The following SYCP2L variants were observed in gnomAD, a reference collection of about 807,000 sequenced individuals.
SYCP2L encodes the protein synaptonemal complex protein 2-like.
A neutral mutation model predicts 125.8 loss-of-function variants in SYCP2L; 98 were observed. That is an observed-to-expected ratio of 0.78 (90% CI 0.66 to 0.92). SYCP2L has a LOEUF of 0.92. Among genes scored for constraint, SYCP2L ranks in the 40% least tolerant of loss-of-function variants. The pLI is 0.00. For missense variants in SYCP2L, 842 were observed against 936.4 expected (o/e 0.90, Z 1.32); for synonymous variants, 317 against 325.4 (o/e 0.97, Z 0.28).
At chr6:10,952,116 G>A (rs1191901217) in intron 23 of SYCP2L, among the ~76,000 whole-genome samples, 3 of 152,282 alleles carry the variant, frequency 2.0e-5, no homozygotes, top group Non-Finnish European at 4.4e-5. Context: ...TTCTGTGTAT[G>A]TAGTTTTAAC....
intron 20 of SYCP2L, among the ~76,000 whole-genome samples, chr6:10,931,763 G>A (rs1219921473): frequency 2.6e-5 from 4 of 152,056 alleles, no homozygotes; most frequent in Admixed American, 6.6e-5. Context: ...TTGGGAGTTC[G>A]AGACCAGCCT....
chr6:10,898,577 CAT>C (rs902181657), intron 5 of SYCP2L, among the ~76,000 whole-genome samples: 2 of 152,074 alleles, frequency 1.3e-5, no homozygotes, highest in Non-Finnish European at 1.5e-5. Flanking sequence ...TAGTAAGAAA[CAT>C]ATATAACCGA....
Position 10,942,760 on chromosome 6 carries a change from A to AC in SYCP2L, c.1954+15dup. ...TGGAAGACAAAGGTAAGAGAATAGTACTTTTTTTTTTTTTTTTGCAGAATA... is the reference window on the plus strand; with the variant it reads ...TGGAAGACAAAGGTAAGAGAATAGTACCTTTTTTTTTTTTTTTTGCAGAATA... On this transcript the variant is annotated intron_variant, in intron 23 of 29. Transcript: ENST00000283141. 6.7e-7 allele frequency: 1 copy of AC among 1,498,630 alleles called. No homozygotes were observed. The highest frequency in any genetic ancestry group is 8.9e-7 in the Non-Finnish European group (1 of 1,124,886). 92.8% of individuals were successfully genotyped at this position (1,498,630 alleles called of 1,614,324 possible).
chr6:10,899,699 A>C (rs1561680746), intron 6 of SYCP2L, among the ~76,000 whole-genome samples: 2 of 152,344 alleles, frequency 1.3e-5, no homozygotes, highest in South Asian at 2.1e-4. Context: ...ATTAATTGAC[A>C]CTACATTCTG....
At chr6:10,897,211 T>C (rs1305451123) in intron 4 of SYCP2L, among the ~76,000 whole-genome samples, 1 of 152,156 alleles carries the variant, frequency 6.6e-6, no homozygotes, top group East Asian at 1.9e-4. Flanking sequence ...TGGATATGTA[T>C]TCCTATAGGA....
Position 10,898,193 on chromosome 6 carries a change from G to C in SYCP2L, c.441+78G>C. The C allele has an allele frequency of 2.7e-6, 3 of 1,101,638 alleles. No individual in the cohort carries two copies. The South Asian group carries it at 4.0e-5, about 15-fold the overall frequency. The allele number at this position is 1,101,638 out of a possible 1,614,324, so 68.2% of individuals were successfully genotyped here. ...AATCTTCAAGTTATTTATAAAACAT[G>C]GTTTTCTATAATATGTAAGTTTTGT... On this transcript the variant is annotated intron_variant, in intron 5 of 29. Transcript: ENST00000283141.
At chr6:10,916,878 G>C (rs964675065) in intron 14 of SYCP2L, among the ~76,000 whole-genome samples, 1 of 152,220 alleles carries the variant, frequency 6.6e-6, no homozygotes, top group East Asian at 1.9e-4. Context: ...TGTAATGCCA[G>C]CTACTTGGGA....
At chr6:10,942,842 T>A in intron 23 of SYCP2L, 96 bp downstream of exon 23, 1 of 1,139,858 alleles carries the variant, frequency 8.8e-7, no homozygotes, top group Non-Finnish European at 1.2e-6. Flanking sequence ...GCAGATCAAG[T>A]CACTTTGCAC....
intron 14 of SYCP2L, among the ~76,000 whole-genome samples, chr6:10,914,974 G>C (rs554296897): frequency 1.9e-4 from 29 of 152,192 alleles, no homozygotes; most frequent in African/African-American, 7.0e-4. Context: ...ATGAACTCCT[G>C]ACCTCAGGTG....
intron 4 of SYCP2L, among the ~76,000 whole-genome samples, chr6:10,896,920 T>C (rs72823314): frequency 0.018 from 2,716 of 152,330 alleles, 31 homozygotes; most frequent in Middle Eastern, 0.065. Flanking sequence ...TCTCAGGTTC[T>C]TGGCCCAAAG....
At chr6:10,906,930 T>G (rs1005953573) in intron 9 of SYCP2L, among the ~76,000 whole-genome samples, 3 of 152,090 alleles carry the variant, frequency 2.0e-5, no homozygotes, top group African/African-American at 7.2e-5. Context: ...GTTTGATGAT[T>G]TGGTTTGAAT....
intron 23 of SYCP2L, among the ~76,000 whole-genome samples, chr6:10,949,906 T>G (rs2113393875): frequency 6.6e-6 from 1 of 152,270 alleles, no homozygotes; most frequent in East Asian, 1.9e-4. Flanking sequence ...CTCGTCTTTG[T>G]CCCACATTCT....
rs182423617 is a variant in SYCP2L at position 10,919,045 on chromosome 6, A to G, written c.1073-5451A>G. Among the ~76,000 whole-genome samples the G allele has an allele frequency of 3.3e-5, 5 of 152,268 alleles. No homozygotes were observed. The East Asian group carries it at 7.7e-4, about 24-fold the overall frequency. ...CTCTGGTGCCTCCCTGATTAGCTTA[A>G]TAACTAACCTCCTGAATTCTTTTTC... On this transcript the variant is annotated intron_variant, in intron 14 of 29. Coordinates refer to ENST00000283141, the MANE Select transcript of SYCP2L (RefSeq NM_001040274.3).
intron 9 of SYCP2L, among the ~76,000 whole-genome samples, chr6:10,906,779 G>A (rs922379313): frequency 6.6e-6 from 1 of 151,538 alleles, no homozygotes; most frequent in Non-Finnish European, 1.5e-5. Context: ...TGTATTTTTA[G>A]TAGAGACGGG....
At chr6:10,953,772 A>G (rs1781451146) in intron 23 of SYCP2L, among the ~76,000 whole-genome samples, 1 of 152,188 alleles carries the variant, frequency 6.6e-6, no homozygotes, top group African/African-American at 2.4e-5. Context: ...GATGATGGAC[A>G]AGTAAAACAT....
intron 14 of SYCP2L, among the ~76,000 whole-genome samples, chr6:10,920,159 C>A (rs879801493): frequency 5.3e-5 from 8 of 152,226 alleles, no homozygotes; most frequent in Non-Finnish European, 1.0e-4. Context: ...TGGGGAGAAT[C>A]TCAGGGGGTG....
Position 10,898,094 on chromosome 6 carries a change from A to G in SYCP2L, c.420A>G (p.Glu140=). The G allele has an allele frequency of 6.2e-7, 1 of 1,613,986 alleles. No individual in the cohort carries two copies. Among genetic ancestry groups the G allele is most frequent in the Non-Finnish European group, 8.5e-7 (1 of 1,179,854 alleles). The change falls in exon 5 of 30, where the codon GAA becomes GAG. Residue 140 remains glutamate, a synonymous_variant. Coordinates refer to ENST00000283141, the MANE Select transcript of SYCP2L (RefSeq NM_001040274.3). ...ASDTSLICVI[E]DFFDTALIIS... is the part of the protein sequence containing the mutation. Reference sequence around the variant, plus strand: ...ACACGTCGCTGATTTGTGTTATAGAAGATTTCTTTGACACTGCATTGGTAA... The same window carrying G: ...ACACGTCGCTGATTTGTGTTATAGAGGATTTCTTTGACACTGCATTGGTAA...
intron 23 of SYCP2L, among the ~76,000 whole-genome samples, chr6:10,952,313 C>T (rs1236441878): frequency 1.3e-5 from 2 of 152,140 alleles, no homozygotes; most frequent in Non-Finnish European, 2.9e-5. Context: ...ACGAGCACTG[C>T]CACTTCGAAG....
intron 9 of SYCP2L, 112 bp from the exon 10 acceptor site, chr6:10,907,430 A>G (rs1464993105): frequency 2.1e-6 from 2 of 963,880 alleles, no homozygotes; most frequent in South Asian, 1.9e-5. Context: ...TTAAGACACA[A>G]TGCTAGGCTT....
Sources: gnomAD v4.1 joint callset for allele counts (sites outside exome capture counted in the v4.1 genomes callset) on GRCh38, gnomAD v4.1.1 for gene constraint, MANE v1.5 for transcripts, NCBI Gene and HGNC (gene_info 2026-07-23, HGNC 2026-07-21) for gene names.